The following COG4 variants were observed in gnomAD, a reference collection of about 807,000 sequenced individuals.
COG4 encodes conserved oligomeric Golgi complex subunit 4.
A neutral mutation model predicts 95.1 loss-of-function variants in COG4; 65 were observed. That is an observed-to-expected ratio of 0.68 (90% CI 0.56 to 0.84). The LOEUF is 0.84. COG4 is among the 40% of genes least tolerant of loss of function. The probability of loss-of-function intolerance (pLI) is 0.00; values close to 1 mark genes in which losing one functional copy is unlikely to be tolerated. For missense variants in COG4, 1,045 were observed against 989.1 expected (o/e 1.06, Z -0.76); for synonymous variants, 421 against 374.8 (o/e 1.12, Z -1.42).
intron 5 of COG4, among the ~76,000 whole-genome samples, chr16:70,510,689 T>C (rs1268869917): frequency 7.2e-5 from 11 of 151,950 alleles, no homozygotes; most frequent in Admixed American, 6.6e-5. Context: ...GGACTTTTAC[T>C]GGATTAAAGG....
intron 12 of COG4, 75 bp from the exon 13 acceptor site, chr16:70,490,467 A>G: frequency 8.2e-7 from 1 of 1,217,978 alleles, no homozygotes; most frequent in South Asian, 1.2e-5. Flanking sequence ...AGACTGGCTG[A>G]CAGCTGTGCT....
chr16:70,501,234 G>C, intron 8 of COG4, 143 bp from the exon 9 acceptor site: 5 of 796,582 alleles, frequency 6.3e-6, no homozygotes, highest in Non-Finnish European at 1.0e-5. Flanking sequence ...TAGCTCTGCT[G>C]GCCCAATTAG....
intron 12 of COG4, among the ~76,000 whole-genome samples, chr16:70,491,574 C>T (rs534300439): frequency 4.3e-4 from 64 of 148,244 alleles, no homozygotes; most frequent in Middle Eastern, 7.1e-3. Context: ...CCTGTAATCC[C>T]AGCACTTTGG....
In COG4 at chr16:70,514,331, T is replaced by C; in HGVS notation, c.544+4A>G. 6.2e-7 allele frequency: 1 copy of C among 1,614,146 alleles called. No homozygotes were observed. Among genetic ancestry groups the C allele is most frequent in the Non-Finnish European group, 8.5e-7 (1 of 1,179,972 alleles). On this transcript the variant is annotated splice_donor_region_variant and intron_variant, in intron 4 of 18. Coordinates refer to ENST00000323786, the MANE Select transcript of COG4 (RefSeq NM_015386.3). ...ACTAAAAACCAACAGTTTCGGATGC[T>C]GACCCTCTTTGCCCTGTCGGCTGAG...
At chr16:70,520,946 C>T (rs371193421) in intron 1 of COG4, among the ~76,000 whole-genome samples, 2 of 152,314 alleles carry the variant, frequency 1.3e-5, no homozygotes, top group African/African-American at 2.4e-5. Flanking sequence ...CAACAACAGC[C>T]ATTAAAATTA....
rs989676829 is a variant in COG4, at chr16:70,517,671, C to T, written c.324G>A (p.Leu108=). The T allele has an allele frequency of 1.2e-6, 2 of 1,613,564 alleles. No homozygotes were observed. Among genetic ancestry groups the T allele is most frequent in the Non-Finnish European group, 1.7e-6 (2 of 1,179,936 alleles). Residue 108 remains leucine, a synonymous_variant, in exon 3 of 19, where the codon CTG becomes CTA. Coordinates refer to ENST00000323786, the MANE Select transcript of COG4 (RefSeq NM_015386.3). The part of the protein sequence containing the change: ...LAGMITFTCN[L]AENVSSKVRQ... Reference sequence around the variant, plus strand: ...GAACTTTGCTGGACACATTCTCAGCCAGGTTGCAGGTAAAGGTGATCATTC... The same window carrying T: ...GAACTTTGCTGGACACATTCTCAGCTAGGTTGCAGGTAAAGGTGATCATTC...
chr16:70,511,235 G>C (rs2049697118), intron 5 of COG4, among the ~76,000 whole-genome samples: 1 of 152,056 alleles, frequency 6.6e-6, no homozygotes, highest in Non-Finnish European at 1.5e-5. Context: ...GAAATCCTCT[G>C]CTTATACAAA....
intron 2 of COG4, among the ~76,000 whole-genome samples, chr16:70,518,953 G>A (rs994149140): frequency 1.3e-5 from 2 of 151,034 alleles, no homozygotes; most frequent in Non-Finnish European, 2.9e-5. Context: ...CTCCAGCCTG[G>A]GGGACAAAAA....
chr16:70,509,461 C>T (rs2049653176), intron 6 of COG4, 73 bp from the exon 7 acceptor site: 3 of 1,548,666 alleles, frequency 1.9e-6, no homozygotes, highest in Admixed American at 3.5e-5. Context: ...CCATCCAGGA[C>T]TAACCGAAGG....
chr16:70,522,848 G>A (rs1446959695), intron 1 of COG4, among the ~76,000 whole-genome samples: 2 of 152,166 alleles, frequency 1.3e-5, no homozygotes, highest in Non-Finnish European at 2.9e-5. Context: ...AGAGAATTGT[G>A]TCTGAGTCTT....
chr16:70,515,602 T>G (rs1422396514), intron 3 of COG4, among the ~76,000 whole-genome samples: 1 of 152,120 alleles, frequency 6.6e-6, no homozygotes, highest in Admixed American at 6.6e-5. Context: ...GAGAATTGCT[T>G]GAACCCAGGA....
intron 7 of COG4, chr16:70,508,829 A>G (rs1202146881): frequency 3.7e-6 from 2 of 543,060 alleles, no homozygotes; most frequent in African/African-American, 3.7e-5. Flanking sequence ...AAAGTTCTGA[A>G]AAAGCAAACG....
At chr16:70,508,884 A>C in intron 7 of COG4, 1 of 535,774 alleles carries the variant, frequency 1.9e-6, no homozygotes. Flanking sequence ...GGAGACAATT[A>C]CTTGGACACT....
At chr16:70,497,897 C>T in intron 10 of COG4, 40 bp downstream of exon 10, 1 of 1,191,574 alleles carries the variant, frequency 8.4e-7, no homozygotes, top group Non-Finnish European at 1.3e-6. Flanking sequence ...GCTTCTTGGA[C>T]CGGAAGCCCC....
intron 9 of COG4, among the ~76,000 whole-genome samples, chr16:70,500,472 C>T (rs546109719): frequency 1.3e-5 from 2 of 148,940 alleles, no homozygotes; most frequent in African/African-American, 5.1e-5. Flanking sequence ...GCAATTCTCC[C>T]GTCTCAACCT....
intron 15 of COG4, 96 bp downstream of exon 15, chr16:70,482,633 G>C: frequency 1.0e-6 from 1 of 980,614 alleles, no homozygotes; most frequent in Non-Finnish European, 1.6e-6. Context: ...TGGGAAGCAT[G>C]GAAGGTCTAG....
chr16:70,508,181 A>G (rs1008271027), intron 8 of COG4, among the ~76,000 whole-genome samples: 2 of 152,152 alleles, frequency 1.3e-5, no homozygotes, highest in Non-Finnish European at 2.9e-5. Flanking sequence ...GGTCTCCCAA[A>G]GTGCTGGGAT....
At chr16:70,521,363 G>A (rs1327454556) in intron 1 of COG4, among the ~76,000 whole-genome samples, 1 of 151,684 alleles carries the variant, frequency 6.6e-6, no homozygotes, top group African/African-American at 2.4e-5. Context: ...GATTATAGAC[G>A]CCCACCATCA....
In COG4 at chr16:70,496,252, T is replaced by TG; in HGVS notation, c.1647+13dup. ...AGATAAACCAACCCAGCTCGTGAGC[T>TG]GTGGGGTACCTACCAGGAAGGACAT... On this transcript the variant is annotated intron_variant, in intron 12 of 18. Transcript: ENST00000323786. The TG allele has an allele frequency of 6.2e-7, 1 of 1,614,138 alleles. No individual in the cohort carries two copies. Among genetic ancestry groups the TG allele is most frequent in the Non-Finnish European group, 8.5e-7 (1 of 1,179,994 alleles).
Sources: gnomAD v4.1 joint callset for allele counts (sites outside exome capture counted in the v4.1 genomes callset) on GRCh38, gnomAD v4.1.1 for gene constraint, MANE v1.5 for transcripts, NCBI Gene and HGNC (gene_info 2026-07-23, HGNC 2026-07-21) for gene names.